The following F5 variants were observed in gnomAD, a reference collection of about 807,000 sequenced individuals.
F5 encodes the protein activated protein c cofactor.
F5 carries 138 observed loss-of-function variants against 216.4 expected under a neutral mutation model. The ratio of observed to expected loss-of-function variants is 0.64; its 90% confidence interval spans 0.56 to 0.73. The LOEUF is 0.73. Ranked by LOEUF, F5 falls within the 30% of genes least tolerant of loss-of-function variation. The pLI is 0.00. For missense variants in F5, 2,403 were observed against 2,674.0 expected (o/e 0.90, Z 2.24); for synonymous variants, 916 against 930.7 (o/e 0.98, Z 0.29).
chr1:169,579,772 T>C (rs1362736492), intron 2 of F5, among the ~76,000 whole-genome samples: 1 of 152,228 alleles, frequency 6.6e-6, no homozygotes, highest in Admixed American at 6.5e-5. Context: ...TTCTCTGCTA[T>C]CTGGATTGAT....
chr1:169,546,397 C>G (rs1329174675), intron 11 of F5, 45 bp downstream of exon 11: 2 of 1,612,012 alleles, frequency 1.2e-6, no homozygotes, highest in Non-Finnish European at 1.7e-6. Context: ...ATATTTCAAC[C>G]ACAGGAATGA....
At chr1:169,533,370 A>T (rs1292810442) in intron 14 of F5, among the ~76,000 whole-genome samples, 1 of 152,204 alleles carries the variant, frequency 6.6e-6, no homozygotes, top group East Asian at 1.9e-4. Context: ...TTTATGACTA[A>T]TTCCTCAAAA....
At chr1:169,567,290 G>A (rs1021278228) in intron 3 of F5, among the ~76,000 whole-genome samples, 7 of 152,016 alleles carry the variant, frequency 4.6e-5, no homozygotes, top group African/African-American at 1.2e-4. Flanking sequence ...GCTAGATGAC[G>A]AGTTAGTGGG....
At chr1:169,579,612 C>T (rs1459838329) in intron 2 of F5, among the ~76,000 whole-genome samples, 3 of 152,180 alleles carry the variant, frequency 2.0e-5, no homozygotes, top group Non-Finnish European at 4.4e-5. Context: ...CATTTTCTTT[C>T]TCACTGAATG....
chr1:169,579,785 A>C (rs1203252818), intron 2 of F5, among the ~76,000 whole-genome samples: 2 of 152,218 alleles, frequency 1.3e-5, no homozygotes. Flanking sequence ...GGATTGATAC[A>C]ACAGTCCCAT....
In F5 at chr1:169,514,070, G is replaced by C. The variant is rs1253959362; in HGVS notation, c.*243C>G. On this transcript the variant is annotated 3_prime_UTR_variant, in exon 25 of 25. Coordinates refer to ENST00000367797, the MANE Select transcript of F5 (RefSeq NM_000130.5). ...ATTAAGAAAGATAAGCCCTTTTCTT[G>C]TTGGTTCTTGATATTTTCCTACCTG... The C allele has an allele frequency of 2.0e-6, 1 of 489,742 alleles. No individual in the cohort carries two copies. Among genetic ancestry groups the C allele is most frequent in the Non-Finnish European group, 3.6e-6 (1 of 275,908 alleles). The allele number at this position is 489,742 out of a possible 1,614,324, so 30.3% of individuals were successfully genotyped here.
rs758973408 is a variant in F5, at chr1:169,541,213, T to A, written c.3877A>T (p.Asn1293Tyr). ...TTLSLDFSQT[N>Y]LSPELSHMTL... is the part of the protein sequence containing the mutation. ...ATATGGCTGAGTTCTGGAGAGAGGT[T>A]TGTCTGGCTGAAGTCTAGAGAAAGG... The change falls in exon 13 of 25, where the codon AAC (asparagine) becomes TAC (tyrosine). Residue 1293 changes from asparagine to tyrosine, a missense_variant. Around this residue, in one of 4 missense-constraint regions of F5, gnomAD observed 1,425 missense variants for 1,554.8 expected, o/e 0.92. Transcript: ENST00000367797. The A allele has an allele frequency of 6.3e-7, 1 of 1,589,628 alleles. No individual in the cohort carries two copies. The highest frequency in any genetic ancestry group is 8.6e-7 in the Non-Finnish European group (1 of 1,165,916).
chr1:169,520,720 T>C (rs1212636052), intron 21 of F5, 56 bp from the exon 22 acceptor site: 2 of 1,472,442 alleles, frequency 1.4e-6, no homozygotes. Context: ...AGTGACTTTA[T>C]ATTAAAATTT....
At chr1:169,586,103 A>G in intron 1 of F5, 126 bp downstream of exon 1, 1 of 1,015,402 alleles carries the variant, frequency 9.8e-7, no homozygotes, top group South Asian at 1.4e-5. Flanking sequence ...ATACTCTCCT[A>G]TTAGTTATAT....
chr1:169,557,785 T>C (rs1290721598), intron 5 of F5, among the ~76,000 whole-genome samples: 1 of 152,046 alleles, frequency 6.6e-6, no homozygotes, highest in Non-Finnish European at 1.5e-5. Flanking sequence ...CCAGGATTCC[T>C]TGCATCACTA....
At chr1:169,575,503 T>A (rs1660824215) in intron 2 of F5, among the ~76,000 whole-genome samples, 1 of 152,160 alleles carries the variant, frequency 6.6e-6, no homozygotes, top group African/African-American at 2.4e-5. Context: ...TTGTGGAGGA[T>A]GATCTCGGAG....
chr1:169,586,077 G>T, intron 1 of F5, 152 bp downstream of exon 1: 1 of 862,212 alleles, frequency 1.2e-6, no homozygotes, highest in Non-Finnish European at 1.8e-6. Context: ...CATTTGCCCA[G>T]TTTATTTAAT....
Position 169,541,389 on chromosome 1 carries a change from T to G in F5, c.3701A>C (p.Asp1234Ala). Reference sequence around the variant, plus strand: ...TGGAGAAAGGGTTGTATGGCTGAGGTCTGGAGAAATGGGCATCTGACCGAG... The same window carrying G: ...TGGAGAAAGGGTTGTATGGCTGAGGGCTGGAGAAATGGGCATCTGACCGAG... ...PALGQMPISP[D>A]LSHTTLSPDL... Residue 1234 changes from aspartate (D) to alanine (A), a missense_variant, in exon 13 of 25, where the codon GAC becomes GCC. Asp to Ala is a moderately radical substitution (Grantham distance 126). Transcript: ENST00000367797. 1 of 1,612,016 alleles carries G rather than the reference T, an allele frequency of 6.2e-7. No homozygotes were observed. The highest frequency in any genetic ancestry group is 8.5e-7 in the Non-Finnish European group (1 of 1,179,222).
chr1:169,544,301 T>C lies in F5; in HGVS notation c.1970A>G (p.Asn657Ser), dbSNP rs1481309282. The change falls in exon 12 of 25, where the codon AAT becomes AGT. Residue 657 changes from asparagine (N) to serine (S), a missense_variant. Physicochemically the swap from Asn to Ser is conservative, Grantham distance 46 (BLOSUM62 1). Coordinates refer to ENST00000367797, the MANE Select transcript of F5 (RefSeq NM_000130.5). ...RGESVTVTMDNVGTWMLTSMN... is the reference protein window; with the variant it reads ...RGESVTVTMDSVGTWMLTSMN... ...GTGTCCAGACTCTTACTCACCAACATTATCCATTGTGACCGTCACAGATTC... is the reference window on the plus strand; with the variant it reads ...GTGTCCAGACTCTTACTCACCAACACTATCCATTGTGACCGTCACAGATTC... The C allele has an allele frequency of 5.6e-6, 9 of 1,613,726 alleles. No homozygotes were observed. The highest frequency in any genetic ancestry group is 7.6e-6 in the Non-Finnish European group (9 of 1,179,760).
Position 169,549,820 on chromosome 1 carries a change from AG to A in F5, c.1591del (p.Leu531TrpfsTer43). The A allele has an allele frequency of 6.2e-7, 1 of 1,613,754 alleles. No individual in the cohort carries two copies. Among genetic ancestry groups the A allele is most frequent in the Non-Finnish European group, 8.5e-7 (1 of 1,179,668 alleles). ...AAATACCTGTATTCCTCGCCTGTCC[AG>A]GGATCTGCTCTTACAGATTAGAAGT... ...GLLLICKSRS[L>X]DRRGIQRAAD... On this transcript the variant is annotated frameshift_variant, in exon 10 of 25. Coordinates refer to ENST00000367797, the MANE Select transcript of F5 (RefSeq NM_000130.5). LOFTEE classifies it high-confidence loss of function.
intron 3 of F5, among the ~76,000 whole-genome samples, chr1:169,569,870 A>G (rs1171301588): frequency 6.6e-6 from 1 of 152,038 alleles, no homozygotes; most frequent in Non-Finnish European, 1.5e-5. Flanking sequence ...CTGGCTCAGC[A>G]TGCAGTTAGT....
At chr1:169,544,190 G>C in intron 12 of F5, 106 bp downstream of exon 12, 1 of 878,070 alleles carries the variant, frequency 1.1e-6, no homozygotes, top group South Asian at 1.4e-5. Context: ...CAGGGGGTCA[G>C]GGAGATACAT....
Position 169,542,694 on chromosome 1 carries a change from G to T in F5, c.2396C>A (p.Ser799Tyr). 1 of 1,614,124 alleles carries T rather than the reference G, an allele frequency of 6.2e-7. No individual in the cohort carries two copies. Among genetic ancestry groups the T allele is most frequent in the Non-Finnish European group, 8.5e-7 (1 of 1,179,996 alleles). ...NNLAEPQKAP[S>Y]HQQATTAGSP... ...ACCAGCTGTGGTGGCTTGTTGGTGA[G>T]AAGGGGCTTTCTGAGGTTCTGCAAG... Residue 799 changes from serine to tyrosine, a missense_variant, in exon 13 of 25, where the codon TCT becomes TAT. By Grantham distance (144) the Ser-to-Tyr change is moderately radical. Around this residue, in one of 4 missense-constraint regions of F5, gnomAD observed 1,425 missense variants for 1,554.8 expected, o/e 0.92. Transcript: ENST00000367797.
chr1:169,558,402 A>G (rs1405857280), intron 5 of F5, among the ~76,000 whole-genome samples: 1 of 152,168 alleles, frequency 6.6e-6, no homozygotes, highest in African/African-American at 2.4e-5. Context: ...TCTTAACAAT[A>G]TTTGTGTTTT....
Sources: gnomAD v4.1 joint callset for allele counts (sites outside exome capture counted in the v4.1 genomes callset) on GRCh38, gnomAD v4.1.1 for gene constraint, gnomAD v4.1.1 regional missense constraint, MANE v1.5 for transcripts, NCBI Gene and HGNC (gene_info 2026-07-23, HGNC 2026-07-21) for gene names.